ACYP2: variants seen among roughly 807,000 people sequenced by gnomAD.
ACYP2 encodes acylphosphatase 2, also known as acylphosphatase-2.
A neutral mutation model predicts 11.2 loss-of-function variants in ACYP2; 12 were observed. The ratio of observed to expected loss-of-function variants is 1.08; its 90% confidence interval spans 0.69 to 1.74. The LOEUF is 1.74. ACYP2 is among the 40% of genes most tolerant of loss of function. ACYP2 has a pLI of 0.00. For missense variants in ACYP2, 134 were observed against 101.9 expected (o/e 1.31, Z -1.35); for synonymous variants, 43 against 32.2 (o/e 1.33, Z -1.13).
intron 4 of ACYP2, among the ~76,000 whole-genome samples, chr2:54,115,995 G>A (rs1227512089): frequency 6.6e-6 from 1 of 152,096 alleles, no homozygotes; most frequent in Non-Finnish European, 1.5e-5. Context: ...AGGGGTCAGG[G>A]GACTGCTGAG....
chr2:54,224,252 G>T (rs182054079), intron 6 of ACYP2, among the ~76,000 whole-genome samples: 6 of 152,230 alleles, frequency 3.9e-5, no homozygotes, highest in Non-Finnish European at 8.8e-5. Context: ...GCTTGTACCT[G>T]TGTTCAGCAG....
chr2:54,213,044 A>G (rs985734810), intron 6 of ACYP2, among the ~76,000 whole-genome samples: 1 of 152,014 alleles, frequency 6.6e-6, no homozygotes. Context: ...TCATTACTCA[A>G]CTAATGAGCC....
At position 54,138,665 on chromosome 2, in the gene ACYP2, A is replaced by G. The variant is rs138448728; in HGVS notation, c.321A>G (p.Ile107Met). 1,125 of 1,614,074 alleles carry G rather than the reference A, an allele frequency of 7.0e-4. 1 individual carries two copies. Among genetic ancestry groups the G allele is most frequent in the Non-Finnish European group, 8.2e-4 (968 of 1,179,956 alleles). The stretch of plus-strand genomic sequence containing the variant: ...ATACAGAAGATGAAGCTAGGAAAAT[A>G]GGAGTGGTTGGCTGGGTGAAGAATA... Residue 107 changes from isoleucine (I) to methionine (M), a missense_variant, in exon 6 of 7, where the codon ATA becomes ATG. Physicochemically the swap from Ile to Met is conservative, Grantham distance 10. Transcript: ENST00000607452.
chr2:54,177,015 T>A (rs1683491579), intron 6 of ACYP2, among the ~76,000 whole-genome samples: 1 of 152,312 alleles, frequency 6.6e-6, no homozygotes, highest in Non-Finnish European at 1.5e-5. Flanking sequence ...AATCTCAGAA[T>A]CTTTGTGCTA....
At chr2:54,083,179 T>A (rs1677758847) in intron 4 of ACYP2, among the ~76,000 whole-genome samples, 1 of 152,192 alleles carries the variant, frequency 6.6e-6, no homozygotes, top group South Asian at 2.1e-4. Flanking sequence ...CCATGTCGAT[T>A]CCCAGCAACA....
intron 6 of ACYP2, among the ~76,000 whole-genome samples, chr2:54,214,655 G>C (rs1269033394): frequency 6.6e-6 from 1 of 152,194 alleles, no homozygotes; most frequent in African/African-American, 2.4e-5. Context: ...TTGTAGTGTA[G>C]CTTGAAGTCA....
At chr2:54,033,629 A>G (rs760106328) in intron 2 of ACYP2, among the ~76,000 whole-genome samples, 17 of 152,180 alleles carry the variant, frequency 1.1e-4, no homozygotes, top group Non-Finnish European at 2.2e-4. Flanking sequence ...CATGCTGAAG[A>G]CAATCTGGAG....
intron 6 of ACYP2, among the ~76,000 whole-genome samples, chr2:54,269,274 A>G (rs1193998942): frequency 6.6e-6 from 1 of 152,226 alleles, no homozygotes; most frequent in African/African-American, 2.4e-5. Flanking sequence ...AATCTAAACA[A>G]TGCCTTTTAC....
intron 6 of ACYP2, among the ~76,000 whole-genome samples, chr2:54,192,268 G>C (rs1215096059): frequency 6.6e-6 from 1 of 151,928 alleles, no homozygotes; most frequent in Non-Finnish European, 1.5e-5. Flanking sequence ...TATAGTGTTA[G>C]AATATTCTTT....
At chr2:54,069,495 T>A (rs971030362) in intron 4 of ACYP2, among the ~76,000 whole-genome samples, 8 of 151,980 alleles carry the variant, frequency 5.3e-5, no homozygotes, top group Admixed American at 6.6e-5. Flanking sequence ...ACCCTGTCTC[T>A]ACTAAAAATA....
At chr2:54,083,449 A>T (rs1352475785) in intron 4 of ACYP2, among the ~76,000 whole-genome samples, 3 of 152,184 alleles carry the variant, frequency 2.0e-5, no homozygotes, top group Non-Finnish European at 2.9e-5. Flanking sequence ...CCCACAGCTG[A>T]CCCAAAATGT....
chr2:54,241,610 T>C (rs1033724104), intron 6 of ACYP2, among the ~76,000 whole-genome samples: 9 of 152,352 alleles, frequency 5.9e-5, no homozygotes, highest in Middle Eastern at 3.4e-3. Flanking sequence ...GAAGTGAAGA[T>C]AGTCACGTCT....
chr2:54,303,218 G>A (rs1689794681), intron 6 of ACYP2, among the ~76,000 whole-genome samples: 2 of 152,030 alleles, frequency 1.3e-5, no homozygotes, highest in African/African-American at 4.8e-5. Context: ...AGGTGTGATG[G>A]TGCGTGCCTG....
intron 6 of ACYP2, among the ~76,000 whole-genome samples, chr2:54,279,113 T>C (rs2104110644): frequency 6.6e-6 from 1 of 152,312 alleles, no homozygotes; most frequent in South Asian, 2.1e-4. Context: ...AAAACTAATA[T>C]GAAGTATATC....
intron 6 of ACYP2, among the ~76,000 whole-genome samples, chr2:54,230,899 C>T (rs1226429027): frequency 6.8e-6 from 1 of 147,280 alleles, no homozygotes; most frequent in Non-Finnish European, 1.5e-5. Context: ...GGCACAATCT[C>T]GGCTCACTGC....
chr2:54,296,226 C>T (rs572565371), intron 6 of ACYP2, among the ~76,000 whole-genome samples: 3 of 152,218 alleles, frequency 2.0e-5, no homozygotes, highest in Middle Eastern at 3.4e-3. Flanking sequence ...AAGAGGAGGC[C>T]CTAGAACAGC....
rs745630609 is a variant in ACYP2, at chr2:54,229,358, G to A, written c.405-75330G>A. ...ATTCTTTTATTATTTTTTAAGAAAT[G>A]TAGTATGTTATGTAATATACTGATT... On this transcript the variant is annotated intron_variant, in intron 6 of 6. Transcript: ENST00000607452. 6.6e-5 allele frequency among the ~76,000 whole-genome samples: 10 copies of A among 152,272 alleles called. No individual in the cohort carries two copies. The East Asian group carries it at 1.9e-3, about 29-fold the overall frequency.
chr2:54,072,652 C>T (rs977265228), intron 4 of ACYP2, among the ~76,000 whole-genome samples: 1 of 151,308 alleles, frequency 6.6e-6, no homozygotes, highest in African/African-American at 2.4e-5. Context: ...AACCTCTGCC[C>T]CCTGGGCTTA....
At chr2:54,290,075 C>T (rs1371115121) in intron 6 of ACYP2, among the ~76,000 whole-genome samples, 1 of 152,060 alleles carries the variant, frequency 6.6e-6, no homozygotes, top group South Asian at 2.1e-4. Context: ...TTCAATTGTG[C>T]GCAAATTGCA....
Sources: gnomAD v4.1 joint callset for allele counts (sites outside exome capture counted in the v4.1 genomes callset) on GRCh38, gnomAD v4.1.1 for gene constraint, MANE v1.5 for transcripts, NCBI Gene and HGNC (gene_info 2026-07-23, HGNC 2026-07-21) for gene names.